Variants in TMEM232 observed in about 807,000 individuals in gnomAD.
The protein encoded by TMEM232 is transmembrane protein 232.
In TMEM232, 80 loss-of-function variants were observed where a neutral mutation model predicts 78.8. The ratio of observed to expected loss-of-function variants is 1.01; its 90% CI spans 0.85 to 1.22. The LOEUF (loss-of-function observed/expected upper bound fraction) is 1.22, where lower values mean the gene tolerates loss of function less well. TMEM232 is among the 50% of genes most tolerant of loss of function. The pLI is 0.00. For missense variants in TMEM232, 881 were observed against 742.2 expected (o/e 1.19, Z -2.17); for synonymous variants, 297 against 254.3 (o/e 1.17, Z -1.60).
intron 2 of TMEM232, among the ~76,000 whole-genome samples, chr5:110,645,957 T>C (rs1448330235): frequency 6.6e-6 from 1 of 151,678 alleles, no homozygotes; most frequent in Non-Finnish European, 1.5e-5. Context: ...AACAATCCTA[T>C]TTATAATAGC....
At chr5:110,720,872 G>A (rs565281068) in intron 1 of TMEM232, 1 of 152,148 alleles carries the variant, frequency 6.6e-6, no homozygotes, top group South Asian at 2.1e-4. Flanking sequence ...TCTTTCAGAT[G>A]AGTTCTAAAA....
At chr5:110,475,757 T>C (rs1400748532) in intron 12 of TMEM232, among the ~76,000 whole-genome samples, 1 of 151,440 alleles carries the variant, frequency 6.6e-6, no homozygotes, top group African/African-American at 2.4e-5. Context: ...CCCACTCAGC[T>C]GAGTACTCAT....
At chr5:110,613,610 C>T (rs749316867) in intron 8 of TMEM232, among the ~76,000 whole-genome samples, 1 of 152,116 alleles carries the variant, frequency 6.6e-6, no homozygotes, top group Non-Finnish European at 1.5e-5. Context: ...TTTAGTCCAG[C>T]AAATCCTGAT....
At chr5:110,605,394 A>G in intron 9 of TMEM232, 36 bp from the exon 10 acceptor site, 1 of 1,513,894 alleles carries the variant, frequency 6.6e-7, no homozygotes, top group Non-Finnish European at 8.9e-7. Context: ...TCATCAAAGT[A>G]TATCTTTGCA....
At chr5:110,699,822 A>G (rs1000469317) in intron 1 of TMEM232, among the ~76,000 whole-genome samples, 2 of 152,004 alleles carry the variant, frequency 1.3e-5, no homozygotes, top group African/African-American at 4.8e-5. Context: ...CTCTTTAGAG[A>G]AAAAACTAAA....
At chr5:110,582,865 T>C (rs967083169) in intron 10 of TMEM232, among the ~76,000 whole-genome samples, 3 of 151,878 alleles carry the variant, frequency 2.0e-5, no homozygotes, top group Admixed American at 2.0e-4. Flanking sequence ...TATACACTAA[T>C]AACAAACTAT....
At chr5:110,523,167 T>C (rs1476096746) in intron 12 of TMEM232, among the ~76,000 whole-genome samples, 2 of 152,182 alleles carry the variant, frequency 1.3e-5, no homozygotes, top group African/African-American at 2.4e-5. Flanking sequence ...ATCCATTTCT[T>C]CTGGGTTTTC....
intron 10 of TMEM232, among the ~76,000 whole-genome samples, chr5:110,587,663 G>GTATATATATATA (rs377139293): frequency 2.3e-4 from 22 of 96,266 alleles, no homozygotes; most frequent in African/African-American, 8.9e-4. Flanking sequence ...GTACATGTAT[G>GTATATATATATA]TATATATATA....
At chr5:110,578,375 C>A (rs1777801853) in intron 10 of TMEM232, among the ~76,000 whole-genome samples, 1 of 151,734 alleles carries the variant, frequency 6.6e-6, no homozygotes, top group Admixed American at 6.6e-5. Flanking sequence ...AATATTTTAC[C>A]TTTATAACTA....
At chr5:110,400,077 T>C (rs1755535478) in intron 2 of TMEM232, among the ~76,000 whole-genome samples, 1 of 152,166 alleles carries the variant, frequency 6.6e-6, no homozygotes, top group Non-Finnish European at 1.5e-5. Flanking sequence ...TATGGCCTGC[T>C]TTCCTTAGCC....
chr5:110,533,009 T>A (rs746422038), intron 11 of TMEM232, among the ~76,000 whole-genome samples: 1 of 152,158 alleles, frequency 6.6e-6, no homozygotes. Context: ...GTTTTGCCTA[T>A]CCACCCTGTG....
intron 12 of TMEM232, among the ~76,000 whole-genome samples, chr5:110,451,544 C>T (rs775350148): frequency 1.3e-5 from 2 of 152,098 alleles, no homozygotes; most frequent in Non-Finnish European, 2.9e-5. Context: ...ATCTTCTAGT[C>T]ATTGTTTTTA....
At chr5:110,608,732 A>G (rs1224821722) in intron 8 of TMEM232, among the ~76,000 whole-genome samples, 1 of 152,042 alleles carries the variant, frequency 6.6e-6, no homozygotes, top group Non-Finnish European at 1.5e-5. Context: ...CAGAAACATC[A>G]ATACTTATAA....
chr5:110,480,416 TGACA>T (rs1305100406), intron 12 of TMEM232, among the ~76,000 whole-genome samples: 2 of 152,016 alleles, frequency 1.3e-5, no homozygotes, highest in African/African-American at 4.8e-5. Flanking sequence ...AAGAAATTAA[TGACA>T]GACAATGTAA....
chr5:110,657,932 T>C (rs1464352188), intron 2 of TMEM232, among the ~76,000 whole-genome samples: 1 of 152,078 alleles, frequency 6.6e-6, no homozygotes, highest in Non-Finnish European at 1.5e-5. Flanking sequence ...AAAAATGAAA[T>C]TGAGATAGAA....
At chr5:110,608,573 C>G (rs190808618) in intron 8 of TMEM232, among the ~76,000 whole-genome samples, 10 of 152,080 alleles carry the variant, frequency 6.6e-5, no homozygotes, top group African/African-American at 2.4e-4. Flanking sequence ...TGTAGCTAAC[C>G]TAGGATAGTC....
At chr5:110,502,353 G>A (rs1203216374) in intron 12 of TMEM232, among the ~76,000 whole-genome samples, 1 of 152,158 alleles carries the variant, frequency 6.6e-6, no homozygotes, top group Non-Finnish European at 1.5e-5. Flanking sequence ...CACCGAGTGG[G>A]AAGGACAAAT....
rs566631303 is a variant in TMEM232 at position 110,637,589 on chromosome 5, A to AT, written c.501+608_501+609insA. ...AACATATATGTGTATATATATATAT[A>AT]AAAAACCATCTTAAAAAATACTTTT... On this transcript the variant is annotated intron_variant, in intron 5 of 13. Coordinates refer to ENST00000455884, the MANE Select transcript of TMEM232 (RefSeq NM_001039763.4). 9.8e-3 allele frequency among the ~76,000 whole-genome samples: 1,491 copies of AT among 151,898 alleles called. 32 individuals carry two copies. Among genetic ancestry groups the AT allele is most frequent in the African/African-American group, 0.034 (1,391 of 41,440 alleles).
chr5:110,708,343 G>C (rs1217433608), intron 1 of TMEM232, among the ~76,000 whole-genome samples: 1 of 152,178 alleles, frequency 6.6e-6, no homozygotes, highest in Non-Finnish European at 1.5e-5. Context: ...AAATGCTAAA[G>C]GGACTTCTTC....
Sources: gnomAD v4.1 joint callset for allele counts (sites outside exome capture counted in the v4.1 genomes callset) on GRCh38, gnomAD v4.1.1 for gene constraint, MANE v1.5 for transcripts, NCBI Gene and HGNC (gene_info 2026-07-23, HGNC 2026-07-21) for gene names.